The following NBEAL1 variants were observed in gnomAD, a reference collection of about 807,000 sequenced individuals.
NBEAL1 encodes neurobeachin-like protein 1.
In NBEAL1, 273 loss-of-function variants were observed where a neutral mutation model predicts 351.3. That is an observed-to-expected ratio of 0.78 (90% CI 0.70 to 0.86). The LOEUF is 0.86. Among genes scored for constraint, NBEAL1 ranks in the 40% least tolerant of loss-of-function variants. The pLI, the probability that NBEAL1 is intolerant of heterozygous loss-of-function variation, is 0.00. For synonymous variants in NBEAL1, 1,050 were observed against 1,086.4 expected, an observed-to-expected ratio of 0.97 and a Z score of 0.66; for missense variants, 2,961 against 3,201.3, an observed-to-expected ratio of 0.92 and a Z score of 1.81.
At position 203,108,080 on chromosome 2, in the gene NBEAL1, A is replaced by G; in HGVS notation, c.1841A>G (p.Gln614Arg). ...SMAGISVPPIQKWPGSAFSFS... is the reference protein window; with the variant it reads ...SMAGISVPPIRKWPGSAFSFS... ...GCAGGAATTTCTGTGCCTCCCATACAGAAATGGCCAGGGTCTGCCTTTTCT... is the reference window on the plus strand; with the variant it reads ...GCAGGAATTTCTGTGCCTCCCATACGGAAATGGCCAGGGTCTGCCTTTTCT... Residue 614 changes from glutamine (Q) to arginine (R), a missense_variant, in exon 14 of 56, where the codon CAG (glutamine) becomes CGG (arginine). Gln to Arg is a conservative substitution (Grantham distance 43). Coordinates refer to ENST00000683969, the MANE Select transcript of NBEAL1 (RefSeq NM_001378026.1). 2.6e-6 allele frequency: 4 copies of G among 1,552,304 alleles called. No homozygotes were observed. The highest frequency in any genetic ancestry group is 2.4e-5 in the South Asian group (2 of 84,126).
At chr2:203,058,450 A>T (rs953386858) in intron 6 of NBEAL1, among the ~76,000 whole-genome samples, 1 of 152,216 alleles carries the variant, frequency 6.6e-6, no homozygotes. Context: ...CCCTGGGGTT[A>T]TGGGAACAAA....
intron 25 of NBEAL1, among the ~76,000 whole-genome samples, chr2:203,131,243 T>C (rs546571534): frequency 1.1e-3 from 171 of 152,284 alleles, no homozygotes; most frequent in African/African-American, 4.0e-3. Flanking sequence ...TGAGACGGAG[T>C]CTCGCTCTGT....
rs200429898 is a variant in NBEAL1 at position 203,166,283 on chromosome 2, T to C, written c.5849T>C (p.Ile1950Thr). The change falls in exon 37 of 56, where the codon ATT (isoleucine) becomes ACT (threonine). Residue 1950 changes from isoleucine to threonine, a missense_variant. Physicochemically the swap from Ile to Thr is moderately conservative, Grantham distance 89 (BLOSUM62 -1). Coordinates refer to ENST00000683969, the MANE Select transcript of NBEAL1 (RefSeq NM_001378026.1). The part of the protein sequence containing the change: ...TQHIYFYDGS[I>T]EKEDGVGFDF... ...CACATTTACTTCTATGATGGCAGCA[T>C]TGAAAAAGAAGATGGTGAGGAGTTC... 2.1e-5 allele frequency: 34 copies of C among 1,600,736 alleles called. No individual in the cohort carries two copies. The highest frequency in any genetic ancestry group is 2.6e-5 in the Non-Finnish European group (31 of 1,176,946).
chr2:203,210,678 T>G (rs1037914033), intron 53 of NBEAL1, among the ~76,000 whole-genome samples: 1 of 152,056 alleles, frequency 6.6e-6, no homozygotes. Context: ...GAAAAAGAAT[T>G]TTTTTCTTTT....
chr2:203,143,906 G>A (rs558040999), intron 31 of NBEAL1, among the ~76,000 whole-genome samples: 34 of 152,004 alleles, frequency 2.2e-4, no homozygotes, highest in Admixed American at 1.9e-3. Flanking sequence ...TTTGCTGCCC[G>A]GTATAAAAGA....
chr2:203,137,963 G>A (rs971279147), intron 29 of NBEAL1, among the ~76,000 whole-genome samples, 199 bp from the exon 30 acceptor site: 9 of 150,512 alleles, frequency 6.0e-5, no homozygotes, highest in Middle Eastern at 3.5e-3. Context: ...CGGCCTGGGC[G>A]ACAAGAGCGA....
At chr2:203,214,513 G>A (rs1229600884) in intron 55 of NBEAL1, among the ~76,000 whole-genome samples, 1 of 152,068 alleles carries the variant, frequency 6.6e-6, no homozygotes, top group Non-Finnish European at 1.5e-5. Flanking sequence ...GGTGGCTCAC[G>A]CCTGTAATCC....
chr2:203,170,286 C>T (rs1255773365), intron 39 of NBEAL1, among the ~76,000 whole-genome samples: 11 of 152,010 alleles, frequency 7.2e-5, no homozygotes, highest in Admixed American at 5.9e-4. Flanking sequence ...GTGGGAGAAT[C>T]GCTTGAACCG....
At chr2:203,200,187 G>C (rs948483112) in intron 49 of NBEAL1, among the ~76,000 whole-genome samples, 2 of 152,130 alleles carry the variant, frequency 1.3e-5, no homozygotes, top group African/African-American at 4.8e-5. Flanking sequence ...AGACCAGCCT[G>C]GCCAACATGG....
At chr2:203,034,464 T>C (rs2106026286) in intron 2 of NBEAL1, among the ~76,000 whole-genome samples, 1 of 144,934 alleles carries the variant, frequency 6.9e-6, no homozygotes, top group Admixed American at 7.0e-5. Context: ...GCCATTTTTT[T>C]TTTTTTTTTT....
In NBEAL1 at chr2:203,201,644, A is replaced by G. The variant is rs758536481; in HGVS notation, c.7340A>G (p.Tyr2447Cys). ...HDAKLLFSAG[Y>C]WDNSIQVMSL... ...GCAAAGTTGCTCTTCAGTGCTGGAT[A>G]CTGGGATAATAGCATTCAAGTGATG... Residue 2447 changes from tyrosine (Y) to cysteine (C), a missense_variant, in exon 50 of 56, where the codon TAC becomes TGC. Physicochemically the swap from Tyr to Cys is radical, Grantham distance 194. Transcript: ENST00000683969. 1 of 1,612,334 alleles carries G rather than the reference A, an allele frequency of 6.2e-7. No individual in the cohort carries two copies. Among genetic ancestry groups the G allele is most frequent in the East Asian group, 2.2e-5 (1 of 44,798 alleles).
At chr2:203,191,319 GAA>G (rs200659518) in intron 46 of NBEAL1, 3,932 of 382,068 alleles carry the variant, frequency 0.01, no homozygotes, top group East Asian at 0.016. Flanking sequence ...TTTGACAACT[GAA>G]AAAAAAAAAA....
intron 14 of NBEAL1, among the ~76,000 whole-genome samples, chr2:203,108,664 A>G (rs1323519508): frequency 2.0e-5 from 3 of 152,002 alleles, no homozygotes; most frequent in African/African-American, 7.2e-5. Flanking sequence ...CGGCCTCCCA[A>G]ATTGCTGGGA....
chr2:203,098,869 C>T (rs1422958013), intron 11 of NBEAL1, among the ~76,000 whole-genome samples: 1 of 152,046 alleles, frequency 6.6e-6, no homozygotes, highest in East Asian at 1.9e-4. Flanking sequence ...TTAGTTTTAA[C>T]ACAGGGTTTG....
In NBEAL1 at chr2:203,221,464, C is replaced by T. The variant is rs1174711985; in HGVS notation, c.*4110C>T. Among the ~76,000 whole-genome samples, 9 of 151,900 alleles carry T rather than the reference C, an allele frequency of 5.9e-5. No individual in the cohort carries two copies. ...TTCAAATATGTATATTTAAACCTGT[C>T]TTCTGGAAACAGGTTCTTGAACCTA... is the stretch of plus-strand genomic sequence containing the variant. On this transcript the variant is annotated 3_prime_UTR_variant, in exon 56 of 56. Coordinates refer to ENST00000683969, the MANE Select transcript of NBEAL1 (RefSeq NM_001378026.1).
In NBEAL1 at chr2:203,209,176, A is replaced by G; in HGVS notation, c.7639A>G (p.Ile2547Val). 1 of 1,613,142 alleles carries G rather than the reference A, an allele frequency of 6.2e-7. No individual in the cohort carries two copies. The highest frequency in any genetic ancestry group is 8.5e-7 in the Non-Finnish European group (1 of 1,179,212). The change falls in exon 53 of 56, where the codon ATA (isoleucine) becomes GTA (valine). Residue 2547 changes from isoleucine (I) to valine (V), a missense_variant. Coordinates refer to ENST00000683969, the MANE Select transcript of NBEAL1 (RefSeq NM_001378026.1). Reference sequence around the variant, plus strand: ...CTGTGTGTAGGATGGAACGGTGATTATACATACCATTCAGAAAGGTCAGTA... The same window carrying G: ...CTGTGTGTAGGATGGAACGGTGATTGTACATACCATTCAGAAAGGTCAGTA... ...VSGSRDGTVI[I>V]HTIQKGQYMR...
intron 48 of NBEAL1, 118 bp downstream of exon 48, chr2:203,197,509 CT>C: frequency 1.6e-6 from 1 of 609,762 alleles, no homozygotes; most frequent in Non-Finnish European, 2.9e-6. Flanking sequence ...TGGTTCATGC[CT>C]GTAATCCCAG....
chr2:203,201,450 T>G, intron 49 of NBEAL1, 93 bp from the exon 50 acceptor site: 2 of 1,105,090 alleles, frequency 1.8e-6, no homozygotes, highest in Non-Finnish European at 2.4e-6. Context: ...GGACTAATTT[T>G]TTATTTCTTT....
At chr2:203,169,942 C>T (rs1359277936) in intron 39 of NBEAL1, 91 bp downstream of exon 39, 1 of 790,106 alleles carries the variant, frequency 1.3e-6, no homozygotes, top group Non-Finnish European at 2.1e-6. Context: ...ATTTTTACAA[C>T]TGCTGTTCTT....
Sources: allele counts gnomAD v4.1 joint callset (sites outside exome capture counted in the v4.1 genomes callset), GRCh38; gene constraint gnomAD v4.1.1; transcripts MANE v1.5; gene names NCBI Gene and HGNC (gene_info 2026-07-23, HGNC 2026-07-21).